MACROD2: variants seen among roughly 807,000 people sequenced by gnomAD.
MACROD2 encodes the protein ADP-ribose glycohydrolase MACROD2.
In MACROD2, 36 loss-of-function variants were observed where a neutral mutation model predicts 70.4. The observed-to-expected ratio is 0.51, with a 90% CI of 0.39 to 0.68. The LOEUF (loss-of-function observed/expected upper bound fraction) is 0.68. Among genes scored for constraint, MACROD2 ranks in the 30% least tolerant of loss-of-function variants. MACROD2 has a pLI of 0.00. For missense variants in MACROD2, 496 were observed against 538.4 expected (o/e 0.92, Z 0.78); for synonymous variants, 172 against 178.8 (o/e 0.96, Z 0.30).
intron 3 of MACROD2, among the ~76,000 whole-genome samples, chr20:14,382,192 G>T (rs749453177): frequency 6.6e-6 from 1 of 151,544 alleles, no homozygotes; most frequent in Non-Finnish European, 1.5e-5. Flanking sequence ...CTCCCGAGTA[G>T]CTGGGACTGC....
At chr20:15,661,173 G>T (rs1452853205) in intron 8 of MACROD2, among the ~76,000 whole-genome samples, 1 of 152,100 alleles carries the variant, frequency 6.6e-6, no homozygotes, top group Non-Finnish European at 1.5e-5. Context: ...ACATTAGGGG[G>T]TAAGGCAACT....
chr20:15,078,721 T>TC (rs397748759), intron 5 of MACROD2, among the ~76,000 whole-genome samples: 2 of 151,696 alleles, frequency 1.3e-5, no homozygotes, highest in South Asian at 2.1e-4. Context: ...TTTTTTTTTT[T>TC]CTGCAATCTT....
chr20:14,849,909 T>C (rs779388096), intron 5 of MACROD2: 5 of 493,944 alleles, frequency 1.0e-5, no homozygotes, highest in South Asian at 6.0e-5. Context: ...CGTAGCAAAT[T>C]TGGATGCAAG....
chr20:15,562,981 A>T (rs1405502392), intron 8 of MACROD2, among the ~76,000 whole-genome samples: 2 of 152,210 alleles, frequency 1.3e-5, no homozygotes, highest in Admixed American at 6.5e-5. Context: ...GCAGAATACA[A>T]AGTTATATAG....
At chr20:14,456,166 TA>T (rs2084299753) in intron 3 of MACROD2, among the ~76,000 whole-genome samples, 1 of 151,990 alleles carries the variant, frequency 6.6e-6, no homozygotes, top group Admixed American at 6.5e-5. Flanking sequence ...AATTTAGCTT[TA>T]AAAACAGCCT....
intron 8 of MACROD2, among the ~76,000 whole-genome samples, chr20:15,837,977 G>A (rs945242185): frequency 7.2e-5 from 11 of 152,088 alleles, no homozygotes; most frequent in African/African-American, 2.7e-4. Flanking sequence ...GTTGGCACTT[G>A]AGTTTTTGTA....
At chr20:15,249,958 T>C (rs1348642080) in intron 6 of MACROD2, among the ~76,000 whole-genome samples, 1 of 152,238 alleles carries the variant, frequency 6.6e-6, no homozygotes, top group Non-Finnish European at 1.5e-5. Flanking sequence ...TACTGAGCTG[T>C]TAGTATTAAA....
chr20:15,874,803 G>A (rs758278886), intron 9 of MACROD2, among the ~76,000 whole-genome samples: 1 of 152,196 alleles, frequency 6.6e-6, no homozygotes, highest in African/African-American at 2.4e-5. Flanking sequence ...CTGTGAATAT[G>A]TTAGGTGGCA....
intron 4 of MACROD2, among the ~76,000 whole-genome samples, chr20:14,654,456 G>T (rs1985862341): frequency 6.6e-6 from 1 of 150,424 alleles, no homozygotes; most frequent in Non-Finnish European, 1.5e-5. Flanking sequence ...TGAGGCAGGA[G>T]AATCTCTTGA....
chr20:14,829,278 T>C (rs1600704807), intron 5 of MACROD2, among the ~76,000 whole-genome samples: 1 of 151,626 alleles, frequency 6.6e-6, no homozygotes, highest in African/African-American at 2.4e-5. Context: ...TACAGGTGCC[T>C]GCCACCACGC....
intron 8 of MACROD2, among the ~76,000 whole-genome samples, chr20:15,820,990 TA>T (rs2063932541): frequency 6.6e-6 from 1 of 152,160 alleles, no homozygotes; most frequent in Non-Finnish European, 1.5e-5. Context: ...TCTGAGAGGC[TA>T]GCATTTACCT....
chr20:15,696,790 T>C (rs1466508598), intron 8 of MACROD2, among the ~76,000 whole-genome samples: 1 of 151,784 alleles, frequency 6.6e-6, no homozygotes, highest in African/African-American at 2.4e-5. Context: ...GAGGGTTGTA[T>C]TTTTCCAAGA....
At chr20:15,778,970 G>A (rs2051783132) in intron 8 of MACROD2, among the ~76,000 whole-genome samples, 1 of 152,076 alleles carries the variant, frequency 6.6e-6, no homozygotes, top group Non-Finnish European at 1.5e-5. Flanking sequence ...AGATTGTAGT[G>A]CTGTGAGTAA....
Position 14,006,237 on chromosome 20 carries a change from A to G in MACROD2, c.163+3833A>G, listed in dbSNP as rs374477522. 3.9e-4 allele frequency among the ~76,000 whole-genome samples: 60 copies of G among 152,304 alleles called. No individual in the cohort carries two copies. The East Asian group carries it at 0.011, about 28-fold the overall frequency. ...TATACCTTACAATGTTTGCACAGCAATGAAATCACCTAACAACGCCTTTCT... is the reference window on the plus strand; with the variant it reads ...TATACCTTACAATGTTTGCACAGCAGTGAAATCACCTAACAACGCCTTTCT... On this transcript the variant is annotated intron_variant, in intron 2 of 17. Coordinates refer to ENST00000684519, the MANE Select transcript of MACROD2 (RefSeq NM_001351661.2).
chr20:14,853,986 G>A (rs1470832913), intron 5 of MACROD2, among the ~76,000 whole-genome samples: 2 of 152,114 alleles, frequency 1.3e-5, no homozygotes, highest in African/African-American at 4.8e-5. Context: ...GTTAAGGCAG[G>A]TGGGCAGTTT....
chr20:14,902,137 C>T (rs1256835533), intron 5 of MACROD2, among the ~76,000 whole-genome samples: 1 of 152,118 alleles, frequency 6.6e-6, no homozygotes, highest in African/African-American at 2.4e-5. Flanking sequence ...TTTAAAAATG[C>T]TTTTGTAAAT....
intron 8 of MACROD2, among the ~76,000 whole-genome samples, chr20:15,676,859 C>G (rs1050139731): frequency 4.6e-5 from 7 of 152,130 alleles, no homozygotes; most frequent in Non-Finnish European, 8.8e-5. Context: ...ATGGCAAGCT[C>G]TAATACTGAT....
At chr20:15,569,916 C>A (rs1425371679) in intron 8 of MACROD2, among the ~76,000 whole-genome samples, 1 of 152,026 alleles carries the variant, frequency 6.6e-6, no homozygotes, top group African/African-American at 2.4e-5. Flanking sequence ...GATTCCATAT[C>A]TTGGGTATAG....
intron 6 of MACROD2, among the ~76,000 whole-genome samples, chr20:15,338,031 G>A (rs1265835514): frequency 6.6e-6 from 1 of 151,550 alleles, no homozygotes; most frequent in Non-Finnish European, 1.5e-5. Context: ...TTGGCCTTGG[G>A]GTAGGTAAAT....
Sources: allele counts gnomAD v4.1 joint callset (sites outside exome capture counted in the v4.1 genomes callset), GRCh38; gene constraint gnomAD v4.1.1; transcripts MANE v1.5; gene names NCBI Gene and HGNC (gene_info 2026-07-23, HGNC 2026-07-21).